KCNN3: variants seen among roughly 807,000 people sequenced by gnomAD.
The protein encoded by KCNN3 is potassium calcium-activated channel subfamily N member 3.
KCNN3 carries 16 observed loss-of-function variants against 62.9 expected under a neutral mutation model. The observed-to-expected ratio is 0.25, with a 90% CI of 0.17 to 0.39. KCNN3 has a LOEUF of 0.39. KCNN3 is among the 10% of genes least tolerant of loss of function. The probability of loss-of-function intolerance (pLI) is 1.00; values close to 1 mark genes in which losing one functional copy is unlikely to be tolerated. For synonymous variants in KCNN3, 370 were observed against 389.2 expected (o/e 0.95, Z 0.58); for missense variants, 599 against 949.4 (o/e 0.63, Z 4.85).
chr1:154,769,544 A>C (rs553201442), intron 3 of KCNN3, among the ~76,000 whole-genome samples: 139 of 152,338 alleles, frequency 9.1e-4, no homozygotes, highest in African/African-American at 3.3e-3. Flanking sequence ...AGTACTTTGC[A>C]AACTACATTC....
intron 3 of KCNN3, among the ~76,000 whole-genome samples, chr1:154,762,038 A>G (rs1648041952): frequency 6.6e-6 from 1 of 152,208 alleles, no homozygotes; most frequent in Non-Finnish European, 1.5e-5. Context: ...ACTACCCATC[A>G]TATGGATGTG....
At chr1:154,792,009 C>A (rs1197365655) in intron 2 of KCNN3, among the ~76,000 whole-genome samples, 2 of 152,220 alleles carry the variant, frequency 1.3e-5, no homozygotes, top group Non-Finnish European at 2.9e-5. Flanking sequence ...GCAAGAAAAG[C>A]CAAGTCAGAG....
At position 154,809,333 on chromosome 1, in the gene KCNN3, C is replaced by T. The variant is rs991047927; in HGVS notation, c.1029+12756G>A. Among the ~76,000 whole-genome samples the T allele has an allele frequency of 6.6e-5, 10 of 152,050 alleles. No individual in the cohort carries two copies. The highest frequency in any genetic ancestry group is 2.1e-4 in the South Asian group (1 of 4,820). On this transcript the variant is annotated intron_variant, in intron 2 of 7. Coordinates refer to ENST00000271915, the MANE Select transcript of KCNN3 (RefSeq NM_002249.6). This position sits in a 1 kb window ranked among gnomAD's most constrained non-coding sequence, Gnocchi z 4.3. ...CACAGCTCTGTCCCATACCAGGCAC[C>T]GTGCCCCTCACAGAGCATGGCTCAA...
At chr1:154,720,196 G>C (rs891501298) in intron 5 of KCNN3, among the ~76,000 whole-genome samples, 1 of 152,164 alleles carries the variant, frequency 6.6e-6, no homozygotes, top group African/African-American at 2.4e-5. Flanking sequence ...GCCCACCCTC[G>C]CCCCTTTCTG....
intron 3 of KCNN3, among the ~76,000 whole-genome samples, chr1:154,755,504 GAAGAAAGA>G (rs142240424): frequency 0.4 from 43,472 of 109,800 alleles, 9,049 homozygotes; most frequent in Middle Eastern, 0.44. Flanking sequence ...AGAAAGAAAG[GAAGAAAGA>G]AAGAAAGAAA....
intron 3 of KCNN3, among the ~76,000 whole-genome samples, chr1:154,770,121 T>G (rs1237119414): frequency 3.9e-5 from 6 of 152,162 alleles, no homozygotes; most frequent in African/African-American, 1.4e-4. Flanking sequence ...TGAAGCCCTG[T>G]GCAGTGTGGT....
chr1:154,727,701 G>A (rs1200319254), intron 4 of KCNN3, among the ~76,000 whole-genome samples: 1 of 152,218 alleles, frequency 6.6e-6, no homozygotes. Flanking sequence ...ACTTACAGGA[G>A]ACTCTGTGCC....
At chr1:154,868,939 T>A in intron 1 of KCNN3, 93 bp downstream of exon 1, 22 of 1,156,282 alleles carry the variant, frequency 1.9e-5, no homozygotes, top group Non-Finnish European at 2.7e-5. Context: ...TCTCTCTCAA[T>A]CTCTCTCTCT....
intron 2 of KCNN3, among the ~76,000 whole-genome samples, chr1:154,814,909 G>A (rs1166867448): frequency 2.6e-5 from 4 of 152,216 alleles, no homozygotes; most frequent in African/African-American, 9.7e-5. Context: ...GCTGTTCTCT[G>A]GAACACATTC....
intron 1 of KCNN3, among the ~76,000 whole-genome samples, chr1:154,845,929 G>A (rs892717197): frequency 3.9e-5 from 6 of 152,136 alleles, no homozygotes; most frequent in South Asian, 2.1e-4. Context: ...CTTCCCCAAC[G>A]CCCTACCAGC....
intron 3 of KCNN3, among the ~76,000 whole-genome samples, chr1:154,770,405 C>T (rs185676529): frequency 1.3e-5 from 2 of 152,296 alleles, no homozygotes; most frequent in East Asian, 3.9e-4. Flanking sequence ...CGATTCAAGG[C>T]ACCCATGTAG....
chr1:154,742,316 G>T (rs1267163639), intron 3 of KCNN3, among the ~76,000 whole-genome samples: 1 of 152,162 alleles, frequency 6.6e-6, no homozygotes, highest in Non-Finnish European at 1.5e-5. Context: ...CCACACACTG[G>T]CTTGCAGAAA....
At chr1:154,751,494 C>T (rs958397735) in intron 3 of KCNN3, among the ~76,000 whole-genome samples, 3 of 152,226 alleles carry the variant, frequency 2.0e-5, no homozygotes, top group Admixed American at 6.5e-5. Context: ...CAGGGAGCTG[C>T]AGCAGGTGCC....
chr1:154,776,893 C>A (rs1241083132), intron 2 of KCNN3, among the ~76,000 whole-genome samples: 1 of 152,174 alleles, frequency 6.6e-6, no homozygotes, highest in Non-Finnish European at 1.5e-5. Flanking sequence ...CACGGGTGTT[C>A]TTCTTAAGGC....
chr1:154,825,527 G>A (rs952886184), intron 1 of KCNN3, among the ~76,000 whole-genome samples: 6 of 151,482 alleles, frequency 4.0e-5, no homozygotes, highest in African/African-American at 7.3e-5. Flanking sequence ...CACTACACCC[G>A]GCTAATTTTT....
intron 3 of KCNN3, among the ~76,000 whole-genome samples, chr1:154,767,869 C>A (rs1332663800): frequency 6.6e-6 from 1 of 152,204 alleles, no homozygotes; most frequent in African/African-American, 2.4e-5. Context: ...ACTTTCTCTC[C>A]TTGGGAGGAG....
chr1:154,814,122 G>T (rs567394786), intron 2 of KCNN3, among the ~76,000 whole-genome samples: 1 of 152,232 alleles, frequency 6.6e-6, no homozygotes, highest in Non-Finnish European at 1.5e-5. Context: ...CAACCTGCTG[G>T]GACCCGCAGC....
chr1:154,858,167 G>A lies in KCNN3; in HGVS notation c.933+10865C>T, dbSNP rs941113035. 5.9e-5 allele frequency among the ~76,000 whole-genome samples: 9 copies of A among 152,294 alleles called. No individual in the cohort carries two copies. The South Asian group carries it at 8.3e-4, about 14-fold the overall frequency. ...TCAGCACCATTACTCTCCCAGAGCA[G>A]GGGAAAGCATCTTGGCAGAGCTTAA... On this transcript the variant is annotated intron_variant, in intron 1 of 7. Coordinates refer to ENST00000271915, the MANE Select transcript of KCNN3 (RefSeq NM_002249.6).
rs1347608013 is a variant in KCNN3, at chr1:154,714,200, GTGTCGTATGTGGTGTGCA to G, written c.1829+658_1830-668del. ...GGTGTGTGGTGTGTGTGTGGTGTGT[GTGTCGTATGTGGTGTGCA>G]TGGTGTGTGTGGGGTGTGTGCGGTG... On this transcript the variant is annotated intron_variant, in intron 6 of 7. Transcript: ENST00000271915. Among the ~76,000 whole-genome samples the G allele has an allele frequency of 6.4e-4, 85 of 133,450 alleles. No homozygotes were observed. In the Middle Eastern group the frequency reaches 0.013, roughly 21 times the overall value. The allele number at this position is 133,450 out of a possible 152,430, so 87.5% of individuals were successfully genotyped here. A position where few individuals can be genotyped will look rare whatever the true frequency, so the allele number is the denominator to read the frequency against.
Sources: gnomAD v4.1 joint callset for allele counts (sites outside exome capture counted in the v4.1 genomes callset) on GRCh38, gnomAD v4.1.1 for gene constraint, Gnocchi (gnomAD v3.1) non-coding constraint, MANE v1.5 for transcripts, NCBI Gene and HGNC (gene_info 2026-07-23, HGNC 2026-07-21) for gene names.